The following ELF2 variants were observed in gnomAD, a reference collection of about 807,000 sequenced individuals.
The protein encoded by ELF2 is ETS-related transcription factor Elf-2.
ELF2 carries 11 observed loss-of-function variants against 54.8 expected under a neutral mutation model. The observed-to-expected ratio is 0.20, with a 90% CI of 0.13 to 0.33. ELF2 has a LOEUF of 0.33. ELF2 is among the 10% of genes least tolerant of loss of function. The pLI is 1.00. For synonymous variants in ELF2, 203 were observed against 245.1 expected (o/e 0.83, Z 1.61); for missense variants, 513 against 703.0 (o/e 0.73, Z 3.06).
At chr4:139,177,307 G>C (rs1465105193), upstream of ELF2, 1 of 143,866 alleles carries the variant, frequency 7.0e-6, no homozygotes, top group Non-Finnish European at 1.5e-5. Context: ...CCTCCACCAG[G>C]ACACTGGAGT....
intron 7 of ELF2, chr4:139,066,901 A>C (rs1728790108): frequency 6.6e-6 from 1 of 152,148 alleles, no homozygotes; most frequent in South Asian, 2.1e-4. Context: ...TTTTGTTCTG[A>C]ATTGTGACTG....
chr4:139,157,236 T>C (rs1005759985), intron 1 of ELF2, among the ~76,000 whole-genome samples: 2 of 152,170 alleles, frequency 1.3e-5, no homozygotes, highest in African/African-American at 2.4e-5. Context: ...CTAAACATAT[T>C]TGAATATAGA....
intron 1 of ELF2, among the ~76,000 whole-genome samples, chr4:139,164,236 G>A (rs1405176167): frequency 6.6e-6 from 1 of 150,516 alleles, no homozygotes; most frequent in Non-Finnish European, 1.5e-5. Flanking sequence ...GAAAGAGATA[G>A]AGAAGGAAGG....
At chr4:139,174,498 T>C (rs752222960) in intron 1 of ELF2, among the ~76,000 whole-genome samples, 6 of 152,096 alleles carry the variant, frequency 3.9e-5, no homozygotes, top group Non-Finnish European at 8.8e-5. Flanking sequence ...TGCTGTAAAA[T>C]TGAGTATAGT....
chr4:139,090,213 C>T (rs995475380), intron 4 of ELF2, among the ~76,000 whole-genome samples: 2 of 152,170 alleles, frequency 1.3e-5, no homozygotes, highest in Non-Finnish European at 2.9e-5. Flanking sequence ...AGGCACACAC[C>T]ACCACACCCA....
rs765610566 is a variant in ELF2 at position 139,076,878 on chromosome 4, ATAT to A, written c.239-3314_239-3312del. On this transcript the variant is annotated intron_variant, in intron 4 of 9. Coordinates refer to ENST00000686138, the MANE Select transcript of ELF2 (RefSeq NM_001331036.3). ...TTCCCCTTCCCCCCTAAAATTCAAC[ATAT>A]TATATCTCAGAAATATTTTATATTT... Among the ~76,000 whole-genome samples, 60 of 152,166 alleles carry A rather than the reference ATAT, an allele frequency of 3.9e-4. 1 individual carries two copies. The highest frequency in any genetic ancestry group is 1.2e-4 in the Non-Finnish European group (8 of 68,014).
chr4:139,164,069 T>G (rs1181728031), intron 1 of ELF2, among the ~76,000 whole-genome samples: 129 of 80,704 alleles, frequency 1.6e-3, no homozygotes, highest in African/African-American at 2.2e-3. Context: ...AGAGTGGGGG[T>G]GAGAGAGAAA....
At position 139,078,162 on chromosome 4, in the gene ELF2, G is replaced by A. The variant is rs549419176; in HGVS notation, c.239-4595C>T. 4.6e-5 allele frequency among the ~76,000 whole-genome samples: 7 copies of A among 152,234 alleles called. No individual in the cohort carries two copies. In the East Asian group the frequency reaches 1.2e-3, roughly 25 times the overall value. ...ACAAAATACCAAACTTGGTAATTAA[G>A]TCTGACAAGAGGCATACCTCTCAGC... On this transcript the variant is annotated intron_variant, in intron 4 of 9. Transcript: ENST00000686138.
At chr4:139,109,040 C>T (rs1322372383) in intron 4 of ELF2, among the ~76,000 whole-genome samples, 1 of 152,162 alleles carries the variant, frequency 6.6e-6, no homozygotes, top group Non-Finnish European at 1.5e-5. Context: ...ACTATGTTAT[C>T]TCCCTGAAAA....
chr4:139,060,464 A>G lies in ELF2; in HGVS notation c.1017T>C (p.Ser339=). The G allele has an allele frequency of 6.2e-7, 1 of 1,614,200 alleles. No individual in the cohort carries two copies. The highest frequency in any genetic ancestry group is 8.5e-7 in the Non-Finnish European group (1 of 1,180,030). ...SLLKAASSVR[S]GKNSSPINCS... ...AGTTTATAGGGGATGAATTTTTTCC[A>G]CTGCGAACAGAGGATGCTGCTTTCA... is the stretch of plus-strand genomic sequence containing the variant. Residue 339 remains serine (S), a synonymous_variant, in exon 9 of 10, where the codon AGT becomes AGC. Transcript: ENST00000686138.
chr4:139,072,137 TAATC>T (rs1283799015), intron 5 of ELF2, 98 bp from the exon 6 acceptor site: 33 of 1,220,618 alleles, frequency 2.7e-5, no homozygotes, highest in Non-Finnish European at 3.6e-5. Flanking sequence ...TGTTAAGAAT[TAATC>T]AAAGCAGGAT....
chr4:139,175,905 G>A (rs1213088590), intron 1 of ELF2, among the ~76,000 whole-genome samples: 2 of 152,192 alleles, frequency 1.3e-5, no homozygotes, highest in Non-Finnish European at 2.9e-5. Flanking sequence ...CCAGGATGCT[G>A]GCAGAGGGAA....
chr4:139,115,057 T>C (rs908113017), intron 4 of ELF2: 12 of 1,613,904 alleles, frequency 7.4e-6, no homozygotes, highest in East Asian at 2.2e-5. Context: ...CCGGGCATCG[T>C]CACTCTCCAT....
intron 4 of ELF2, among the ~76,000 whole-genome samples, chr4:139,078,238 A>T (rs1338206631): frequency 6.6e-6 from 1 of 152,224 alleles, no homozygotes; most frequent in Admixed American, 6.5e-5. Context: ...AATGTTCTCA[A>T]GTCAAAAATA....
intron 4 of ELF2, among the ~76,000 whole-genome samples, chr4:139,113,566 T>C (rs745443006): frequency 4.1e-4 from 61 of 148,838 alleles, no homozygotes; most frequent in Non-Finnish European, 3.7e-4. Flanking sequence ...CAAAAAAAAA[T>C]TGGCCGAGCG....
intron 4 of ELF2, among the ~76,000 whole-genome samples, chr4:139,086,324 T>C (rs942522117): frequency 2.0e-5 from 3 of 152,188 alleles, no homozygotes; most frequent in African/African-American, 7.2e-5. Context: ...AAAATATGTC[T>C]GTGAAGCACA....
chr4:139,161,414 AAT>A (rs1198872430), intron 1 of ELF2, among the ~76,000 whole-genome samples: 1 of 152,156 alleles, frequency 6.6e-6, no homozygotes, highest in Admixed American at 6.6e-5. Context: ...CTAAAAACAG[AAT>A]AGTCTTTTAT....
intron 2 of ELF2, 52 bp from the exon 3 acceptor site, chr4:139,137,919 T>C: frequency 2.5e-6 from 3 of 1,196,790 alleles, no homozygotes; most frequent in South Asian, 5.2e-5. Context: ...AGGAAGGACA[T>C]AAATAAAGCA....
chr4:139,154,333 T>C (rs568911006), intron 1 of ELF2, among the ~76,000 whole-genome samples: 2 of 152,198 alleles, frequency 1.3e-5, no homozygotes, highest in Non-Finnish European at 2.9e-5. Context: ...CTCTGAGAAG[T>C]AGACGTATCT....
Sources: allele counts gnomAD v4.1 joint callset (sites outside exome capture counted in the v4.1 genomes callset), GRCh38; gene constraint gnomAD v4.1.1; transcripts MANE v1.5; gene names NCBI Gene and HGNC (gene_info 2026-07-23, HGNC 2026-07-21).